The following PKIA variants were observed in gnomAD, a reference collection of about 807,000 sequenced individuals.
PKIA encodes the protein cAMP-dependent protein kinase inhibitor alpha.
Under a neutral mutation model 7.6 loss-of-function variants are expected in PKIA, and 4 were observed. The observed-to-expected ratio is 0.52, with a 90% CI of 0.26 to 1.20. The LOEUF is 1.20. Ranked by LOEUF, PKIA falls within the 50% of genes most tolerant of loss-of-function variation. PKIA has a pLI of 0.13. For synonymous variants in PKIA, 21 were observed against 30.7 expected (o/e 0.68, Z 1.04); for missense variants, 73 against 86.2 (o/e 0.85, Z 0.61).
chr8:78,600,574 G>A (rs762917967), intron 3 of PKIA, among the ~76,000 whole-genome samples: 3 of 152,012 alleles, frequency 2.0e-5, no homozygotes, highest in Non-Finnish European at 1.5e-5. Context: ...ATTACCAAAA[G>A]CTTCTCCTGT....
intron 2 of PKIA, among the ~76,000 whole-genome samples, chr8:78,591,521 T>G (rs1391583962): frequency 6.6e-6 from 1 of 152,158 alleles, no homozygotes; most frequent in Non-Finnish European, 1.5e-5. Flanking sequence ...TGAGGCTGTA[T>G]TAAGAAAAGA....
intron 1 of PKIA, among the ~76,000 whole-genome samples, chr8:78,550,807 C>T (rs1806965808): frequency 1.3e-5 from 2 of 152,036 alleles, no homozygotes; most frequent in South Asian, 4.2e-4. Flanking sequence ...TATCCTTCAC[C>T]CCCTTCCCAC....
intron 3 of PKIA, among the ~76,000 whole-genome samples, chr8:78,601,282 T>C (rs1164907373): frequency 2.0e-5 from 3 of 152,130 alleles, no homozygotes; most frequent in Non-Finnish European, 1.5e-5. Flanking sequence ...ATTAGCTGGG[T>C]TATCATCAAG....
intron 1 of PKIA, among the ~76,000 whole-genome samples, chr8:78,550,337 G>A (rs1355822487): frequency 6.6e-6 from 1 of 152,122 alleles, no homozygotes; most frequent in Non-Finnish European, 1.5e-5. Flanking sequence ...ATTTCAAAAA[G>A]ATGGTTCCCA....
At chr8:78,571,454 C>T (rs956496437) in intron 1 of PKIA, among the ~76,000 whole-genome samples, 5 of 152,052 alleles carry the variant, frequency 3.3e-5, no homozygotes, top group African/African-American at 7.2e-5. Flanking sequence ...CTTTAGGGCA[C>T]GCCAGAAGTG....
chr8:78,601,450 G>A (rs1347938802), intron 3 of PKIA, among the ~76,000 whole-genome samples: 1 of 152,040 alleles, frequency 6.6e-6, no homozygotes, highest in Non-Finnish European at 1.5e-5. Context: ...ACCTGGCCTT[G>A]AGATTTCTGA....
intron 1 of PKIA, among the ~76,000 whole-genome samples, chr8:78,529,122 T>C (rs1027830049): frequency 2.0e-5 from 3 of 152,070 alleles, no homozygotes; most frequent in Non-Finnish European, 4.4e-5. Flanking sequence ...TACCATGATA[T>C]AGCTTACAGA....
In PKIA at chr8:78,604,620, T is replaced by TG. The variant is rs1808432427; in HGVS notation, c.*2805dup. The TG allele has an allele frequency of 6.6e-6, 1 of 151,926 alleles. No individual in the cohort carries two copies. Among genetic ancestry groups the TG allele is most frequent in the Non-Finnish European group, 1.5e-5 (1 of 67,936 alleles). 9.4% of individuals were successfully genotyped at this position (151,926 alleles called of 1,614,324 possible). A position where few individuals can be genotyped will look rare whatever the true frequency, so the allele number is the denominator to read the frequency against. ...AAAAGAAATTCAATTATGTCTTATT[T>TG]GGGGGGTATATTTCCCAGAAGATAT... On this transcript the variant is annotated 3_prime_UTR_variant, in exon 4 of 4. Transcript: ENST00000396418.
intron 1 of PKIA, chr8:78,534,245 A>C (rs1806462027): frequency 6.6e-6 from 1 of 152,156 alleles, no homozygotes; most frequent in Non-Finnish European, 1.5e-5. Flanking sequence ...TTACAGTTTT[A>C]AGTAAAAAAC....
In PKIA at chr8:78,598,526, A is replaced by G; in HGVS notation, c.142A>G (p.Asn48Asp). Reference protein sequence around the residue: ...LALKLAGLDINKTEGEEDAQR... With the variant: ...LALKLAGLDIDKTEGEEDAQR... Reference sequence around the variant, plus strand: ...CTTGAAATTAGCAGGTCTTGATATCAACAAGACAGGTAAGTCATCTGGCAC... The same window carrying G: ...CTTGAAATTAGCAGGTCTTGATATCGACAAGACAGGTAAGTCATCTGGCAC... Residue 48 changes from asparagine to aspartate, a missense_variant, in exon 3 of 4, where the codon AAC becomes GAC. By Grantham distance (23) the Asn-to-Asp change is conservative. Transcript: ENST00000396418. 1 of 1,609,072 alleles carries G rather than the reference A, an allele frequency of 6.2e-7. No homozygotes were observed. Among genetic ancestry groups the G allele is most frequent in the African/African-American group, 1.3e-5 (1 of 74,868 alleles).
chr8:78,565,161 A>G (rs1230677863), intron 1 of PKIA, among the ~76,000 whole-genome samples: 1 of 151,820 alleles, frequency 6.6e-6, no homozygotes, highest in Non-Finnish European at 1.5e-5. Context: ...GAAAAATAAG[A>G]AATGTCACTT....
intron 3 of PKIA, among the ~76,000 whole-genome samples, chr8:78,600,405 G>C (rs1808325661): frequency 6.6e-6 from 1 of 152,086 alleles, no homozygotes; most frequent in African/African-American, 2.4e-5. Flanking sequence ...CAGTCTCTAT[G>C]TTTTCAGCAT....
intron 1 of PKIA, among the ~76,000 whole-genome samples, chr8:78,528,658 TAAA>T (rs755210393): frequency 1.9e-4 from 23 of 120,090 alleles, no homozygotes; most frequent in African/African-American, 3.8e-4. Flanking sequence ...ACCCTGTCTC[TAAA>T]AAAAAAAAAA....
intron 1 of PKIA, among the ~76,000 whole-genome samples, chr8:78,532,697 A>T (rs928139315): frequency 2.0e-5 from 3 of 151,998 alleles, no homozygotes. Flanking sequence ...ACTTAAGACC[A>T]GGAGATCAAG....
chr8:78,585,869 T>C lies in PKIA; in HGVS notation c.-27-12489T>C, dbSNP rs533622811. Among the ~76,000 whole-genome samples the C allele has an allele frequency of 2.4e-4, 36 of 152,298 alleles. No homozygotes were observed. The South Asian group carries it at 7.3e-3, about 31-fold the overall frequency. ...AAAAGATCGCCGAGTTTAGCTTAAA[T>C]GTAGCATTGTGGCATATTAAAATGG... On this transcript the variant is annotated intron_variant, in intron 2 of 3. Transcript: ENST00000396418.
intron 2 of PKIA, among the ~76,000 whole-genome samples, chr8:78,574,312 C>A (rs1352694077): frequency 1.3e-5 from 2 of 151,924 alleles, no homozygotes; most frequent in African/African-American, 4.8e-5. Flanking sequence ...ATATACAATA[C>A]ATTGCTTTTT....
intron 2 of PKIA, among the ~76,000 whole-genome samples, 199 bp from the exon 3 acceptor site, chr8:78,598,159 G>A (rs988656590): frequency 5.4e-5 from 8 of 148,838 alleles, no homozygotes; most frequent in African/African-American, 1.2e-4. Context: ...ATTTAAATAT[G>A]TAAAAATGTA....
chr8:78,569,759 TTAAAA>T (rs1807503357), intron 1 of PKIA, among the ~76,000 whole-genome samples: 1 of 152,126 alleles, frequency 6.6e-6, no homozygotes, highest in Non-Finnish European at 1.5e-5. Context: ...TATGTATTTC[TTAAAA>T]TAAATGAAAA....
chr8:78,575,332 G>T lies in PKIA; in HGVS notation c.-28+2393G>T, dbSNP rs1039420016. Among the ~76,000 whole-genome samples the T allele has an allele frequency of 2.6e-5, 4 of 151,684 alleles. No individual in the cohort carries two copies. In the East Asian group the frequency reaches 7.8e-4, roughly 29 times the overall value. On this transcript the variant is annotated intron_variant, in intron 2 of 3. Transcript: ENST00000396418. ...ATATTAACATTCATTTAATTTTTATGTATTTTTTATTAAGTATGGGTTGTT... is the reference window on the plus strand; with the variant it reads ...ATATTAACATTCATTTAATTTTTATTTATTTTTTATTAAGTATGGGTTGTT...
Sources: gnomAD v4.1 joint callset for allele counts (sites outside exome capture counted in the v4.1 genomes callset) on GRCh38, gnomAD v4.1.1 for gene constraint, MANE v1.5 for transcripts, NCBI Gene and HGNC (gene_info 2026-07-23, HGNC 2026-07-21) for gene names.